Variants in MEAK7 observed in about 807,000 individuals in gnomAD.
The protein encoded by MEAK7 is MTOR associated protein MEAK7, also known as MTOR-associated protein MEAK7.
MEAK7 carries 68 observed loss-of-function variants against 40.5 expected under a neutral mutation model. That is an observed-to-expected ratio of 1.68 (90% confidence interval 1.38 to 2.06). The LOEUF (loss-of-function observed/expected upper bound fraction) is 2.06, where lower values mean the gene tolerates loss of function less well. Ranked by LOEUF, MEAK7 falls within the 30% of genes most tolerant of loss-of-function variation. MEAK7 has a pLI of 0.00. For missense variants in MEAK7, 918 were observed against 580.5 expected (o/e 1.58, Z -5.98); for synonymous variants, 338 against 231.9 (o/e 1.46, Z -4.16).
intron 1 of MEAK7, among the ~76,000 whole-genome samples, chr16:84,502,384 C>T (rs1366279327): frequency 1.3e-5 from 2 of 152,026 alleles, no homozygotes; most frequent in African/African-American, 4.8e-5. Flanking sequence ...AGGAAGTGTC[C>T]GTCCCAGACA....
intron 2 of MEAK7, chr16:84,497,411 A>T (rs1436102076): frequency 7.8e-7 from 1 of 1,280,620 alleles, no homozygotes; most frequent in Non-Finnish European, 1.0e-6. Flanking sequence ...TAGCCATCAA[A>T]CACATACACA....
At position 84,495,765 on chromosome 16, in the gene MEAK7, C is replaced by T. The variant is rs146039021; in HGVS notation, c.302G>A (p.Gly101Glu). ...FTASMSHLLK[G>E]NSEEKSLMIM... ...CATGAGACTCTTCTCCTCGGAGTTT[C>T]CTTTCAACAGGTGGGACATGGATGC... The change falls in exon 3 of 8, where the codon GGA becomes GAA. Residue 101 changes from glycine to glutamate, a missense_variant. Coordinates refer to ENST00000343629, the MANE Select transcript of MEAK7 (RefSeq NM_020947.4). 22 of 1,613,916 alleles carry T rather than the reference C, an allele frequency of 1.4e-5. No homozygotes were observed. Among genetic ancestry groups the T allele is most frequent in the Non-Finnish European group, 1.4e-5 (17 of 1,179,994 alleles).
At chr16:84,503,798 C>A (rs1207306872) in intron 1 of MEAK7, among the ~76,000 whole-genome samples, 1 of 152,072 alleles carries the variant, frequency 6.6e-6, no homozygotes, top group East Asian at 1.9e-4. Flanking sequence ...AGGATGGCCC[C>A]CAAGGTTCCC....
chr16:84,487,648 G>C (rs976726300), intron 4 of MEAK7: 1 of 153,628 alleles, frequency 6.5e-6, no homozygotes, highest in African/African-American at 2.4e-5. Flanking sequence ...TGGGAAGTGC[G>C]GGTTTCATTC....
At chr16:84,498,268 G>C (rs8047487) in intron 1 of MEAK7, among the ~76,000 whole-genome samples, 157 bp from the exon 2 acceptor site, 2,416 of 152,190 alleles carry the variant, frequency 0.016, 66 homozygotes, top group African/African-American at 0.054. Flanking sequence ...TTTGGGTTTT[G>C]TTTTTGTTTT....
chr16:84,489,500 C>A, intron 3 of MEAK7, 78 bp from the exon 4 acceptor site: 3 of 1,483,164 alleles, frequency 2.0e-6, no homozygotes, highest in Non-Finnish European at 2.7e-6. Flanking sequence ...TGGAGAAGGG[C>A]AATTTTCTTT....
intron 5 of MEAK7, among the ~76,000 whole-genome samples, chr16:84,484,559 C>A (rs149694682): frequency 6.6e-6 from 1 of 152,322 alleles, no homozygotes; most frequent in East Asian, 1.9e-4. Context: ...GTTCTTCTTT[C>A]CTCAAGCAAA....
intron 4 of MEAK7, among the ~76,000 whole-genome samples, chr16:84,488,878 T>C (rs1913320703): frequency 6.6e-6 from 1 of 151,960 alleles, no homozygotes; most frequent in South Asian, 2.1e-4. Context: ...CTTAAGAAAC[T>C]AGGAAAAGAA....
chr16:84,481,790 C>G (rs1262713270), intron 6 of MEAK7, among the ~76,000 whole-genome samples: 2 of 152,064 alleles, frequency 1.3e-5, no homozygotes, highest in South Asian at 2.1e-4. Context: ...AAAAATTAGC[C>G]AGGCGTGATA....
At chr16:84,481,585 G>C (rs1159452205) in intron 6 of MEAK7, among the ~76,000 whole-genome samples, 2 of 152,192 alleles carry the variant, frequency 1.3e-5, no homozygotes, top group African/African-American at 2.4e-5. Context: ...CCCTATATCG[G>C]ACCAGCCTTC....
At chr16:84,499,580 C>G (rs1914333010) in intron 1 of MEAK7, among the ~76,000 whole-genome samples, 1 of 152,172 alleles carries the variant, frequency 6.6e-6, no homozygotes, top group Admixed American at 6.5e-5. Context: ...TTAGGACCTT[C>G]ACAATACGGT....
At chr16:84,503,057 T>C (rs1372453916) in intron 1 of MEAK7, among the ~76,000 whole-genome samples, 1 of 152,076 alleles carries the variant, frequency 6.6e-6, no homozygotes, top group African/African-American at 2.4e-5. Flanking sequence ...ATCACCATTA[T>C]CTGTTCACTT....
chr16:84,502,847 G>T (rs1284127302), intron 1 of MEAK7: 1 of 152,174 alleles, frequency 6.6e-6, no homozygotes, highest in African/African-American at 2.4e-5. Context: ...TCCAGCCTGG[G>T]TGACAGAGCA....
chr16:84,476,625 G>C lies in MEAK7; in HGVS notation c.*3288C>G, dbSNP rs573531896. On this transcript the variant is annotated 3_prime_UTR_variant, in exon 8 of 8. Coordinates refer to ENST00000343629, the MANE Select transcript of MEAK7 (RefSeq NM_020947.4). The stretch of plus-strand genomic sequence containing the variant: ...GCAGACGGTGGAACGCTAGGCCCGA[G>C]AGCATCCATATGGTGGGACATCACG... 1.3e-5 allele frequency: 2 copies of C among 152,258 alleles called. No homozygotes were observed. Among genetic ancestry groups the C allele is most frequent in the South Asian group, 2.1e-4 (1 of 4,822 alleles). 9.4% of individuals were successfully genotyped at this position (152,258 alleles called of 1,614,324 possible).
Position 84,489,362 on chromosome 16 carries a change from C to T in MEAK7, c.445G>A (p.Gly149Ser). Residue 149 changes from glycine to serine, a missense_variant, in exon 4 of 8, where the codon GGC becomes AGC. Gly to Ser is a moderately conservative substitution (Grantham distance 56). Transcript: ENST00000343629. ...HVLSHRQELR[G>S]WTGKEAPGPN... is the part of the protein sequence containing the mutation. ...CCTGGGGCTTCCTTCCCAGTCCAGC[C>T]TCTCAGCTCCTGTCTGTGGCTTAGC... 6.2e-7 allele frequency: 1 copy of T among 1,614,214 alleles called. No homozygotes were observed. The highest frequency in any genetic ancestry group is 1.3e-5 in the African/African-American group (1 of 75,062).
Position 84,477,641 on chromosome 16 carries a change from G to C in MEAK7, c.*2272C>G, listed in dbSNP as rs1912170065. On this transcript the variant is annotated 3_prime_UTR_variant, in exon 8 of 8. Coordinates refer to ENST00000343629, the MANE Select transcript of MEAK7 (RefSeq NM_020947.4). The stretch of plus-strand genomic sequence containing the variant: ...GGGCCCTGATAAGTCTTCATTTGTA[G>C]GGAGACCTCTAGTCCTTAGAACCTG... The C allele has an allele frequency of 6.6e-6, 1 of 151,064 alleles. No individual in the cohort carries two copies. 9.4% of individuals were successfully genotyped at this position (151,064 alleles called of 1,614,324 possible).
At chr16:84,492,153 G>A (rs1180332609) in intron 3 of MEAK7, among the ~76,000 whole-genome samples, 1 of 152,068 alleles carries the variant, frequency 6.6e-6, no homozygotes, top group Admixed American at 6.5e-5. Flanking sequence ...AGATTGTAAG[G>A]GCCGATTTTG....
In MEAK7 at chr16:84,486,796, G is replaced by C. The variant is rs146062987; in HGVS notation, c.793C>G (p.Arg265Gly). Residue 265 changes from arginine (R) to glycine (G), a missense_variant, in exon 5 of 8, where the codon CGC becomes GGC. Physicochemically the swap from Arg to Gly is moderately radical, Grantham distance 125. Transcript: ENST00000343629. ...TCAGACGAAAAGAGCAGGCACCAGC[G>C]GTGCCGCTGCTCCCGAGGCAGCTGG... ...NAQLPREQRH[R>G]WCLLFSSELH... is the part of the protein sequence containing the mutation. 4.3e-6 allele frequency: 7 copies of C among 1,613,984 alleles called. No homozygotes were observed. The South Asian group carries it at 7.7e-5, about 18-fold the overall frequency.
rs569911007 is a variant in MEAK7 at position 84,500,611 on chromosome 16, C to T, written c.-25-2500G>A. On this transcript the variant is annotated intron_variant, in intron 1 of 7. Coordinates refer to ENST00000343629, the MANE Select transcript of MEAK7 (RefSeq NM_020947.4). ...AGACAGGCTGGAAACGAGGGCTTACCCGACCCCGTTTGGGTGCTCACCCAC... is the reference window on the plus strand; with the variant it reads ...AGACAGGCTGGAAACGAGGGCTTACTCGACCCCGTTTGGGTGCTCACCCAC... Among the ~76,000 whole-genome samples, 115 of 152,262 alleles carry T rather than the reference C, an allele frequency of 7.6e-4. 1 individual carries two copies. The highest frequency in any genetic ancestry group is 2.6e-3 in the African/African-American group (110 of 41,550).
Sources: gnomAD v4.1 joint callset for allele counts (sites outside exome capture counted in the v4.1 genomes callset) on GRCh38, gnomAD v4.1.1 for gene constraint, MANE v1.5 for transcripts, NCBI Gene and HGNC (gene_info 2026-07-23, HGNC 2026-07-21) for gene names.